Variants in DGKD observed in about 807,000 individuals in gnomAD.
DGKD encodes the protein DAG kinase delta.
Under a neutral mutation model 154.4 loss-of-function variants are expected in DGKD, and 68 were observed. The observed-to-expected ratio is 0.44, with a 90% confidence interval of 0.36 to 0.54. The LOEUF is 0.54. DGKD is among the 20% of genes least tolerant of loss of function. DGKD has a pLI of 0.00. For synonymous variants in DGKD, 693 were observed against 638.0 expected (o/e 1.09, Z -1.30); for missense variants, 1,343 against 1,593.6 (o/e 0.84, Z 2.68).
chr2:233,428,757 G>A (rs369457194), intron 3 of DGKD, among the ~76,000 whole-genome samples: 6 of 152,178 alleles, frequency 3.9e-5, no homozygotes, highest in Admixed American at 6.5e-5. Flanking sequence ...TTTTCTTGAC[G>A]AGAAGCAAAG....
chr2:233,438,250 C>T lies in DGKD; in HGVS notation c.956C>T (p.Thr319Ile). Residue 319 changes from threonine (T) to isoleucine (I), a missense_variant, in exon 9 of 30, where the codon ACA becomes ATA. Physicochemically the swap from Thr to Ile is moderately conservative, Grantham distance 89. Coordinates refer to ENST00000264057, the MANE Select transcript of DGKD (RefSeq NM_152879.3). The surrounding 1 kb of genome is among the most constrained non-coding windows in gnomAD (Gnocchi z 4.1). ...AAGGCCAGCTGTCCTCCTTCTTGCA[C>T]AAGCCCACTGTTGGTCTTCGTCAAT... ...FWKASCPPSC[T>I]SPLLVFVNSK... The T allele has an allele frequency of 6.2e-7, 1 of 1,614,196 alleles. No individual in the cohort carries two copies. Among genetic ancestry groups the T allele is most frequent in the Non-Finnish European group, 8.5e-7 (1 of 1,180,026 alleles).
intron 1 of DGKD, among the ~76,000 whole-genome samples, chr2:233,363,298 T>G (rs1192602369): frequency 2.7e-5 from 4 of 150,020 alleles, no homozygotes; most frequent in African/African-American, 7.4e-5. Flanking sequence ...ATGTGTGTGT[T>G]TGTTTCTTAG....
chr2:233,423,653 A>G (rs1336880179), intron 3 of DGKD, among the ~76,000 whole-genome samples: 1 of 152,042 alleles, frequency 6.6e-6, no homozygotes, highest in African/African-American at 2.4e-5. Flanking sequence ...TGGAGTGCCT[A>G]GCTGCGGCCT....
At chr2:233,448,404 G>T (rs1332177030) in intron 14 of DGKD, 29 bp downstream of exon 14, 3 of 1,601,348 alleles carry the variant, frequency 1.9e-6, no homozygotes, top group South Asian at 2.2e-5. Context: ...GGTGGGAGGG[G>T]CATTGAGGCA....
In DGKD at chr2:233,354,716, C is replaced by T; in HGVS notation, c.156+42C>T. The T allele has an allele frequency of 1.0e-6, 1 of 975,688 alleles. No homozygotes were observed. Among genetic ancestry groups the T allele is most frequent in the Non-Finnish European group, 1.2e-6 (1 of 824,060 alleles). The allele number at this position is 975,688 out of a possible 1,614,324, so 60.4% of individuals were successfully genotyped here. ...GCGGCCCGGGCGCGCGCCCCTCACG[C>T]CGCGGCAGCCCCGGCCGAGGCCCGT... On this transcript the variant is annotated intron_variant, in intron 1 of 29. Coordinates refer to ENST00000264057, the MANE Select transcript of DGKD (RefSeq NM_152879.3). The surrounding 1 kb of genome is among the most constrained non-coding windows in gnomAD (Gnocchi z 4.8).
rs1185403066 is a variant in DGKD, at chr2:233,459,188, T to C, written c.2695-569T>C. 6.6e-6 allele frequency among the ~76,000 whole-genome samples: 1 copy of C among 152,120 alleles called. No homozygotes were observed. Among genetic ancestry groups the C allele is most frequent in the Non-Finnish European group, 1.5e-5 (1 of 68,022 alleles). The stretch of plus-strand genomic sequence containing the variant: ...TTTCTGTGAGGATGGGGCAGGACTC[T>C]GTACCCAGGCACAGGCACTGGGGCG... On this transcript the variant is annotated intron_variant, in intron 22 of 29. Coordinates refer to ENST00000264057, the MANE Select transcript of DGKD (RefSeq NM_152879.3). The surrounding 1 kb of genome is among the most constrained non-coding windows in gnomAD (Gnocchi z 5.7).
At chr2:233,443,323 G>A (rs1383227986) in intron 10 of DGKD, among the ~76,000 whole-genome samples, 1 of 150,878 alleles carries the variant, frequency 6.6e-6, no homozygotes, top group Non-Finnish European at 1.5e-5. Flanking sequence ...ATTTTTTTTT[G>A]CCTCATTTTC....
At position 233,448,119 on chromosome 2, in the gene DGKD, T is replaced by G; in HGVS notation, c.1452T>G (p.Val484=). 5 of 1,614,104 alleles carry G rather than the reference T, an allele frequency of 3.1e-6. 1 individual carries two copies. The highest frequency in any genetic ancestry group is 4.2e-6 in the Non-Finnish European group (5 of 1,180,028). The change falls in exon 13 of 30, where the codon GTT becomes GTG. Residue 484 remains valine (V), a synonymous_variant. Coordinates refer to ENST00000264057, the MANE Select transcript of DGKD (RefSeq NM_152879.3). ...AGATTCTCTTCTATGAAGACTCGGT[T>G]GCAGCCCACCTTTCTAAAATCCTCA... ...VQQILFYEDS[V]AAHLSKILTS...
chr2:233,374,725 C>T (rs1702481724), intron 1 of DGKD, among the ~76,000 whole-genome samples: 1 of 152,110 alleles, frequency 6.6e-6, no homozygotes. Flanking sequence ...TCACTGGAGC[C>T]TAAATTCCTG....
At chr2:233,385,162 C>T (rs1355301511) in intron 1 of DGKD, among the ~76,000 whole-genome samples, 2 of 152,160 alleles carry the variant, frequency 1.3e-5, no homozygotes, top group African/African-American at 2.4e-5. Flanking sequence ...AAGCCCTTTT[C>T]AAGGACATTC....
rs2063202380 is a variant in DGKD, at chr2:233,449,618, T to C, written c.1888+242T>C. 6.6e-6 allele frequency among the ~76,000 whole-genome samples: 1 copy of C among 152,122 alleles called. No individual in the cohort carries two copies. The highest frequency in any genetic ancestry group is 1.5e-5 in the Non-Finnish European group (1 of 68,006). On this transcript the variant is annotated intron_variant, in intron 15 of 29. Transcript: ENST00000264057. This position sits in a 1 kb window ranked among gnomAD's most constrained non-coding sequence, Gnocchi z 5.3. ...GACCTCTTTCCTGGCCCTCATTGAC[T>C]TCACTATAAGCGTCTCACTCCCGTG...
chr2:233,376,362 G>A (rs1702573144), intron 1 of DGKD, among the ~76,000 whole-genome samples: 1 of 152,200 alleles, frequency 6.6e-6, no homozygotes, highest in Non-Finnish European at 1.5e-5. Context: ...GTCCACATCT[G>A]TCACTTCACT....
chr2:233,435,868 T>A lies in DGKD; in HGVS notation c.637T>A (p.Cys213Ser). The change falls in exon 6 of 30, where the codon TGC becomes AGC. Residue 213 changes from cysteine (C) to serine (S), a missense_variant. Transcript: ENST00000264057. ...CTGTGCTGTGCGTGCAACCAATAAC[T>A]GCAAGTGGACCACACTGGCCTCGAT... ...KRCAVRATNN[C>S]KWTTLASIGK... The A allele has an allele frequency of 6.2e-7, 1 of 1,612,558 alleles. No homozygotes were observed. Among genetic ancestry groups the A allele is most frequent in the Non-Finnish European group, 8.5e-7 (1 of 1,179,414 alleles).
rs745892049 is a variant in DGKD at position 233,458,332 on chromosome 2, G to T, written c.2629G>T (p.Val877Leu). The T allele has an allele frequency of 1.5e-5, 24 of 1,612,358 alleles. No homozygotes were observed. The Admixed American group carries it at 2.2e-4, about 15-fold the overall frequency. ...FDDKILEVVA[V>L]FGSMQMAVSR... ...TGACAAGATTCTGGAGGTGGTCGCC[G>T]TGTTCGGCAGCATGCAGATGGCCGT... Residue 877 changes from valine (V) to leucine (L), a missense_variant, in exon 22 of 30, where the codon GTG becomes TTG. Transcript: ENST00000264057. The surrounding 1 kb of genome is among the most constrained non-coding windows in gnomAD (Gnocchi z 6.6).
chr2:233,417,872 G>C (rs1460553772), intron 3 of DGKD, among the ~76,000 whole-genome samples: 3 of 152,136 alleles, frequency 2.0e-5, no homozygotes, highest in South Asian at 2.1e-4. Context: ...CTGACACCTA[G>C]TTGGTAAAGT....
At chr2:233,425,566 A>G (rs1023347601) in intron 3 of DGKD, among the ~76,000 whole-genome samples, 1 of 152,238 alleles carries the variant, frequency 6.6e-6, no homozygotes, top group African/African-American at 2.4e-5. Flanking sequence ...CTAAAAAGAT[A>G]TAAAGTGTTT....
chr2:233,433,827 A>G (rs1015316181), intron 3 of DGKD, among the ~76,000 whole-genome samples: 1 of 152,188 alleles, frequency 6.6e-6, no homozygotes, highest in Non-Finnish European at 1.5e-5. Flanking sequence ...CCCTTTATAT[A>G]TTATGGATAT....
chr2:233,406,765 G>A (rs1234356935), intron 3 of DGKD, among the ~76,000 whole-genome samples: 2 of 152,212 alleles, frequency 1.3e-5, no homozygotes, highest in East Asian at 3.8e-4. Context: ...AGGAGCTCTT[G>A]TATGACTTCT....
At chr2:233,363,230 G>A (rs1327454536) in intron 1 of DGKD, among the ~76,000 whole-genome samples, 1 of 152,178 alleles carries the variant, frequency 6.6e-6, no homozygotes, top group East Asian at 1.9e-4. Flanking sequence ...AGTGGGATAG[G>A]ATGTGGAGGC....
Sources: gnomAD v4.1 joint callset for allele counts (sites outside exome capture counted in the v4.1 genomes callset) on GRCh38, gnomAD v4.1.1 for gene constraint, Gnocchi (gnomAD v3.1) non-coding constraint, MANE v1.5 for transcripts, NCBI Gene and HGNC (gene_info 2026-07-23, HGNC 2026-07-21) for gene names.